The following PIGL variants were observed in gnomAD, a reference collection of about 807,000 sequenced individuals.
PIGL encodes phosphatidylinositol glycan anchor biosynthesis class L, also known as N-acetylglucosaminyl-phosphatidylinositol de-N-acetylase.
Under a neutral mutation model 31.1 loss-of-function variants are expected in PIGL, and 22 were observed. The ratio of observed to expected loss-of-function variants is 0.71; its 90% CI spans 0.51 to 1.01. The LOEUF is 1.01. Ranked by LOEUF, PIGL falls within the 50% of genes least tolerant of loss-of-function variation. The pLI, the probability that PIGL is intolerant of heterozygous loss-of-function variation, is 0.00. For synonymous variants in PIGL, 131 were observed against 117.4 expected (o/e 1.12, Z -0.75); for missense variants, 302 against 315.9 (o/e 0.96, Z 0.33).
chr17:16,263,095 G>A (rs935892878), intron 2 of PIGL, among the ~76,000 whole-genome samples: 12 of 5,968 alleles, frequency 2.0e-3, no homozygotes, highest in Middle Eastern at 0.17. Context: ...GGTTTATTTG[G>A]GGGGGGGGGA....
chr17:16,264,630 ATTATTATTAT>A (rs2142756483), intron 2 of PIGL, among the ~76,000 whole-genome samples: 2 of 147,536 alleles, frequency 1.4e-5, no homozygotes, highest in African/African-American at 5.0e-5. Context: ...TATTATTATT[ATTATTATTAT>A]TATTATTATT....
At chr17:16,302,691 C>T (rs1280524349) in intron 3 of PIGL, among the ~76,000 whole-genome samples, 1 of 152,228 alleles carries the variant, frequency 6.6e-6, no homozygotes, top group Non-Finnish European at 1.5e-5. Context: ...CATCCAACTC[C>T]CTGGTTCAAG....
intron 2 of PIGL, among the ~76,000 whole-genome samples, chr17:16,265,580 A>G (rs185552083): frequency 1.1e-3 from 174 of 152,114 alleles, no homozygotes; most frequent in African/African-American, 4.0e-3. Context: ...TCTCTACTAA[A>G]AATACAAAAA....
intron 3 of PIGL, among the ~76,000 whole-genome samples, chr17:16,312,038 G>C (rs1368933203): frequency 6.6e-6 from 1 of 151,046 alleles, no homozygotes; most frequent in Non-Finnish European, 1.5e-5. Flanking sequence ...GGGTGGCCGG[G>C]CAGAGGCGCC....
At chr17:16,244,929 C>T (rs2092737987) in intron 2 of PIGL, among the ~76,000 whole-genome samples, 2 of 152,174 alleles carry the variant, frequency 1.3e-5, no homozygotes, top group Non-Finnish European at 2.9e-5. Context: ...CCACCCACCT[C>T]AGCCTTCCAA....
chr17:16,299,281 C>T (rs543220975), intron 2 of PIGL, among the ~76,000 whole-genome samples: 22 of 150,538 alleles, frequency 1.5e-4, no homozygotes, highest in Middle Eastern at 3.5e-3. Context: ...ATGGCGAAAC[C>T]CCATCTCTAC....
chr17:16,310,856 T>C (rs1440433085), intron 3 of PIGL, among the ~76,000 whole-genome samples: 2 of 152,166 alleles, frequency 1.3e-5, no homozygotes, highest in Non-Finnish European at 2.9e-5. Flanking sequence ...TAGAGGATGC[T>C]TGTAAAGAGC....
intron 2 of PIGL, among the ~76,000 whole-genome samples, chr17:16,292,943 A>C (rs547879139): frequency 6.6e-6 from 1 of 152,342 alleles, no homozygotes; most frequent in African/African-American, 2.4e-5. Context: ...TCTCTTAAGG[A>C]AGCATCCAAA....
At chr17:16,254,150 A>G (rs1156775081) in intron 2 of PIGL, among the ~76,000 whole-genome samples, 2 of 152,108 alleles carry the variant, frequency 1.3e-5, no homozygotes, top group African/African-American at 4.8e-5. Flanking sequence ...TTATTCTTCA[A>G]AAGAATTATC....
At chr17:16,234,593 C>T (rs963214753) in intron 2 of PIGL, among the ~76,000 whole-genome samples, 18 of 152,216 alleles carry the variant, frequency 1.2e-4, no homozygotes, top group Non-Finnish European at 2.2e-4. Flanking sequence ...GGTAAAACCC[C>T]GCATCTACTA....
chr17:16,296,052 AAAC>A (rs1184581462), intron 2 of PIGL, among the ~76,000 whole-genome samples: 1 of 152,260 alleles, frequency 6.6e-6, no homozygotes, highest in Non-Finnish European at 1.5e-5. Context: ...TAATGGCAAG[AAAC>A]AACATTTGAG....
chr17:16,282,412 T>G (rs533884889), intron 2 of PIGL, among the ~76,000 whole-genome samples: 18 of 150,856 alleles, frequency 1.2e-4, no homozygotes, highest in East Asian at 5.9e-4. Flanking sequence ...AATTGGTCTG[T>G]TTTTTTTTCA....
At chr17:16,297,219 T>C (rs80106814) in intron 2 of PIGL, among the ~76,000 whole-genome samples, 6,881 of 152,046 alleles carry the variant, frequency 0.045, 251 homozygotes, top group Admixed American at 0.12. Context: ...CAGTCCAAAG[T>C]CCCTCCCTAA....
rs35578509 is a variant in PIGL at position 16,241,114 on chromosome 17, C to CAAA, written c.335+7064_335+7066dup. On this transcript the variant is annotated intron_variant, in intron 2 of 6. Transcript: ENST00000225609. ...GGGCAACAAAAACGAAACTCCCTCT[C>CAAA]AAAAAAAAAAAAAAAAAAAAAAGAA... 3.4e-3 allele frequency among the ~76,000 whole-genome samples: 180 copies of CAAA among 52,462 alleles called. 1 individual carries two copies. The highest frequency in any genetic ancestry group is 0.017 in the Middle Eastern group (1 of 58). The allele number at this position is 52,462 out of a possible 152,430, so 34.4% of individuals were successfully genotyped here.
At chr17:16,288,620 A>G (rs1243564069) in intron 2 of PIGL, among the ~76,000 whole-genome samples, 1 of 147,234 alleles carries the variant, frequency 6.8e-6, no homozygotes, top group Non-Finnish European at 1.5e-5. Flanking sequence ...GCTCACCGCA[A>G]CCTCTGCCTC....
intron 2 of PIGL, among the ~76,000 whole-genome samples, chr17:16,287,590 C>T (rs975192340): frequency 6.6e-6 from 1 of 152,214 alleles, no homozygotes; most frequent in African/African-American, 2.4e-5. Context: ...AAATTCAATT[C>T]CTCTAAATAT....
chr17:16,283,220 G>A (rs1443590641), intron 2 of PIGL, among the ~76,000 whole-genome samples: 3 of 152,034 alleles, frequency 2.0e-5, no homozygotes, highest in Non-Finnish European at 2.9e-5. Context: ...CCAGGATGGT[G>A]TCTAACTTCT....
intron 6 of PIGL, among the ~76,000 whole-genome samples, chr17:16,321,227 TGCGCCGGGCC>T (rs2093104216): frequency 6.8e-6 from 1 of 147,572 alleles, no homozygotes; most frequent in East Asian, 2.0e-4. Flanking sequence ...CATGAACCAC[TGCGCCGGGCC>T]TTTTTTTTTT....
chr17:16,310,677 C>A (rs1462794693), intron 3 of PIGL, among the ~76,000 whole-genome samples: 1 of 152,150 alleles, frequency 6.6e-6, no homozygotes, highest in Non-Finnish European at 1.5e-5. Context: ...GCTGGGATTA[C>A]AGGTGCCCAC....
Sources: allele counts gnomAD v4.1 joint callset (sites outside exome capture counted in the v4.1 genomes callset), GRCh38; gene constraint gnomAD v4.1.1; transcripts MANE v1.5; gene names NCBI Gene and HGNC (gene_info 2026-07-23, HGNC 2026-07-21).